MECOM: variants seen among roughly 807,000 people sequenced by gnomAD.
The protein encoded by MECOM is MDS1 and EVI1 complex locus.
Under a neutral mutation model 116.3 loss-of-function variants are expected in MECOM, and 13 were observed. That is an observed-to-expected ratio of 0.11 (90% confidence interval 0.07 to 0.18). The LOEUF (loss-of-function observed/expected upper bound fraction) is 0.18, where lower values mean the gene tolerates loss of function less well. Ranked by LOEUF, MECOM falls within the 10% of genes least tolerant of loss-of-function variation. The probability of loss-of-function intolerance (pLI) is 1.00; values close to 1 mark genes in which losing one functional copy is unlikely to be tolerated. For synonymous variants in MECOM, 528 were observed against 535.2 expected, an observed-to-expected ratio of 0.99 and a Z score of 0.19; for missense variants, 1,299 against 1,509.0, an observed-to-expected ratio of 0.86 and a Z score of 2.31.
At chr3:169,351,243 C>T (rs1726266282) in intron 2 of MECOM, among the ~76,000 whole-genome samples, 1 of 151,714 alleles carries the variant, frequency 6.6e-6, no homozygotes, top group Non-Finnish European at 1.5e-5. Context: ...AGGACTGTGG[C>T]TAAAGATCAA....
chr3:169,607,785 C>T (rs5024378), intron 1 of MECOM, among the ~76,000 whole-genome samples: 73,868 of 152,030 alleles, frequency 0.49, 18,082 homozygotes, highest in East Asian at 0.58. Flanking sequence ...GATAAACACT[C>T]GTAGAATAAA....
chr3:169,472,881 T>C, intron 1 of MECOM: 1 of 674,130 alleles, frequency 1.5e-6, no homozygotes, highest in Non-Finnish European at 1.8e-6. Context: ...GACTGCTTAC[T>C]ATTGTGGTAA....
intron 2 of MECOM, among the ~76,000 whole-genome samples, chr3:169,221,697 T>G (rs1398954270): frequency 6.6e-6 from 1 of 152,124 alleles, no homozygotes; most frequent in Non-Finnish European, 1.5e-5. Flanking sequence ...GACGTGTCCT[T>G]CAGGAAAAGG....
At chr3:169,519,336 ATTTAACCC>A (rs1757075289) in intron 1 of MECOM, among the ~76,000 whole-genome samples, 1 of 152,232 alleles carries the variant, frequency 6.6e-6, no homozygotes, top group African/African-American at 2.4e-5. Context: ...GACCTCAGCC[ATTTAACCC>A]TTGAGACATT....
At chr3:169,516,502 CT>C (rs34321319) in intron 1 of MECOM, among the ~76,000 whole-genome samples, 4 of 151,880 alleles carry the variant, frequency 2.6e-5, no homozygotes, top group Non-Finnish European at 5.9e-5. Context: ...AAAGAATGTT[CT>C]TTTTTTTAAG....
At chr3:169,085,607 A>G (rs1010475261) in intron 16 of MECOM, among the ~76,000 whole-genome samples, 3 of 152,078 alleles carry the variant, frequency 2.0e-5, no homozygotes, top group Admixed American at 6.6e-5. Context: ...CTTTTCTCCA[A>G]TTTCCCTCCA....
intron 1 of MECOM, among the ~76,000 whole-genome samples, chr3:169,517,735 G>C (rs1048027201): frequency 6.6e-6 from 1 of 152,194 alleles, no homozygotes; most frequent in African/African-American, 2.4e-5. Context: ...AACAAGAAGA[G>C]ACCAGTGAAA....
chr3:169,228,180 G>A (rs918572391), intron 2 of MECOM, among the ~76,000 whole-genome samples: 11 of 152,202 alleles, frequency 7.2e-5, no homozygotes, highest in South Asian at 6.2e-4. Context: ...AGTCTGTGCC[G>A]CAAATCTACC....
At chr3:169,435,906 C>A (rs1452179004) in intron 1 of MECOM, among the ~76,000 whole-genome samples, 1 of 152,104 alleles carries the variant, frequency 6.6e-6, no homozygotes, top group African/African-American at 2.4e-5. Context: ...TGGACCAAAA[C>A]GGTAACATTA....
intron 1 of MECOM, among the ~76,000 whole-genome samples, chr3:169,652,572 G>C (rs1319624470): frequency 6.6e-6 from 1 of 152,178 alleles, no homozygotes; most frequent in Non-Finnish European, 1.5e-5. Context: ...TCTCTATAGA[G>C]ATGGTTGATT....
chr3:169,088,128 T>C (rs1313342486), intron 16 of MECOM, among the ~76,000 whole-genome samples: 1 of 152,146 alleles, frequency 6.6e-6, no homozygotes, highest in Non-Finnish European at 1.5e-5. Context: ...CAAACTAATA[T>C]GGTCACATTG....
intron 2 of MECOM, among the ~76,000 whole-genome samples, chr3:169,240,182 C>G (rs1270035356): frequency 6.6e-6 from 1 of 152,110 alleles, no homozygotes; most frequent in Non-Finnish European, 1.5e-5. Context: ...TTCTGAAGAC[C>G]TTTGTGATTG....
At chr3:169,204,238 T>C (rs1358820350) in intron 2 of MECOM, among the ~76,000 whole-genome samples, 1 of 152,196 alleles carries the variant, frequency 6.6e-6, no homozygotes, top group African/African-American at 2.4e-5. Context: ...TGTCTTTATG[T>C]TTTTAAATAG....
chr3:169,609,282 C>G (rs575144169), intron 1 of MECOM, among the ~76,000 whole-genome samples: 8 of 152,146 alleles, frequency 5.3e-5, no homozygotes, highest in Admixed American at 3.9e-4. Flanking sequence ...ACTTGAGGGG[C>G]CTTTTTTTTG....
At chr3:169,226,934 C>T (rs932568928) in intron 2 of MECOM, among the ~76,000 whole-genome samples, 1 of 152,134 alleles carries the variant, frequency 6.6e-6, no homozygotes, top group African/African-American at 2.4e-5. Flanking sequence ...AGTAGATGTT[C>T]ATAGGCTATA....
intron 1 of MECOM, among the ~76,000 whole-genome samples, chr3:169,570,652 G>A (rs1013407958): frequency 2.0e-5 from 3 of 152,124 alleles, no homozygotes; most frequent in Non-Finnish European, 2.9e-5. Context: ...CGATCAAGTC[G>A]GCTTCTTCCC....
intron 1 of MECOM, among the ~76,000 whole-genome samples, chr3:169,457,917 G>A (rs994538733): frequency 5.3e-5 from 8 of 152,156 alleles, no homozygotes; most frequent in Non-Finnish European, 8.8e-5. Flanking sequence ...TTCTAAGCAC[G>A]AGGAAAGAAA....
intron 2 of MECOM, among the ~76,000 whole-genome samples, chr3:169,244,065 C>T (rs1222902140): frequency 1.3e-5 from 2 of 152,042 alleles, no homozygotes; most frequent in East Asian, 1.9e-4. Flanking sequence ...CAGACCTGCC[C>T]GTGAAATATG....
intron 1 of MECOM, among the ~76,000 whole-genome samples, chr3:169,428,604 C>G (rs576295228): frequency 6.6e-6 from 1 of 152,214 alleles, no homozygotes; most frequent in African/African-American, 2.4e-5. Context: ...TTATGACAGC[C>G]CTAGCAAATG....
Sources: allele counts gnomAD v4.1 joint callset (sites outside exome capture counted in the v4.1 genomes callset), GRCh38; gene constraint gnomAD v4.1.1; transcripts MANE v1.5; gene names NCBI Gene and HGNC (gene_info 2026-07-23, HGNC 2026-07-21).